The following CNTFR variants were observed in gnomAD, a reference collection of about 807,000 sequenced individuals.
The protein encoded by CNTFR is ciliary neurotrophic factor receptor subunit alpha.
In CNTFR, 12 loss-of-function variants were observed where a neutral mutation model predicts 40.4. The observed-to-expected ratio is 0.30, with a 90% confidence interval of 0.19 to 0.48. The LOEUF is 0.48. Ranked by LOEUF, CNTFR falls within the 20% of genes least tolerant of loss-of-function variation. The probability of loss-of-function intolerance (pLI) is 0.99; values close to 1 mark genes in which losing one functional copy is unlikely to be tolerated. For missense variants in CNTFR, 414 were observed against 506.8 expected, an observed-to-expected ratio of 0.82 and a Z score of 1.76; for synonymous variants, 202 against 209.6, an observed-to-expected ratio of 0.96 and a Z score of 0.31.
Position 34,589,564 on chromosome 9 carries a change from G to C in CNTFR, c.-121C>G, listed in dbSNP as rs1264336929. The C allele has an allele frequency of 3.3e-5, 5 of 151,946 alleles. No homozygotes were observed. The highest frequency in any genetic ancestry group is 1.8e-4 in the South Asian group (1 of 5,460). 9.4% of individuals were successfully genotyped at this position (151,946 alleles called of 1,614,324 possible). A position where few individuals can be genotyped will look rare whatever the true frequency, so the allele number is the denominator to read the frequency against. The stretch of plus-strand genomic sequence containing the variant: ...GCCGCAGGGTACTCACCGCGCCCTC[G>C]GGCCACCCGGGCTTCGCGCCGCGCC... On this transcript the variant is annotated 5_prime_UTR_variant, in exon 1 of 10. Transcript: ENST00000378980. This position sits in a 1 kb window ranked among gnomAD's most constrained non-coding sequence, Gnocchi z 4.4.
chr9:34,558,963 G>A (rs1480643541), intron 4 of CNTFR, among the ~76,000 whole-genome samples: 1 of 152,206 alleles, frequency 6.6e-6, no homozygotes. Context: ...CCCACCCTCA[G>A]GCATTGGGTA....
intron 1 of CNTFR, among the ~76,000 whole-genome samples, chr9:34,582,991 G>C (rs1475135469): frequency 6.6e-6 from 1 of 152,210 alleles, no homozygotes; most frequent in African/African-American, 2.4e-5. Flanking sequence ...AGCATGCAGA[G>C]TCTGTATAGC....
intron 7 of CNTFR, among the ~76,000 whole-genome samples, chr9:34,554,040 G>C (rs2183013): frequency 0.77 from 117,114 of 152,080 alleles, 45,446 homozygotes; most frequent in East Asian, 0.87. Flanking sequence ...TCCAGTTCCT[G>C]CTCAGCCTGT....
intron 1 of CNTFR, chr9:34,582,780 G>A (rs966042692): frequency 6.6e-6 from 1 of 152,312 alleles, no homozygotes; most frequent in African/African-American, 2.4e-5. Flanking sequence ...TTAGGCCAAA[G>A]AATGAGAGAG....
At position 34,552,807 on chromosome 9, in the gene CNTFR, G is replaced by T. The variant is rs771631533; in HGVS notation, c.816C>A (p.Ala272=). 1 of 1,613,568 alleles carries T rather than the reference G, an allele frequency of 6.2e-7. No homozygotes were observed. ...GTAHTITDAY[A]GKEYIIQVAA... Reference sequence around the variant, plus strand: ...CCACCTGGATAATGTACTCCTTCCCGGCGTAGGCATCTGTGATGGTGTGTG... The same window carrying T: ...CCACCTGGATAATGTACTCCTTCCCTGCGTAGGCATCTGTGATGGTGTGTG... The change falls in exon 8 of 10, where the codon GCC becomes GCA. Residue 272 remains alanine (A), a synonymous_variant. Transcript: ENST00000378980. This position sits in a 1 kb window ranked among gnomAD's most constrained non-coding sequence, Gnocchi z 5.1.
intron 2 of CNTFR, among the ~76,000 whole-genome samples, chr9:34,574,154 C>T (rs963749468): frequency 3.3e-5 from 5 of 152,058 alleles, no homozygotes; most frequent in Middle Eastern, 3.4e-3. Context: ...GGGACCAGGC[C>T]GAGGAGGGAG....
intron 7 of CNTFR, among the ~76,000 whole-genome samples, chr9:34,554,146 C>A (rs150248045): frequency 2.0e-5 from 3 of 152,122 alleles, no homozygotes; most frequent in African/African-American, 4.8e-5. Context: ...CCTGGAAGAT[C>A]GGAGGGTCCC....
intron 4 of CNTFR, among the ~76,000 whole-genome samples, chr9:34,563,557 CCAAA>C (rs909387815): frequency 1.3e-5 from 2 of 152,252 alleles, no homozygotes; most frequent in African/African-American, 4.8e-5. Context: ...CCTTCACCTG[CCAAA>C]CAAACTACTT....
chr9:34,583,354 T>C (rs565117948), intron 1 of CNTFR, among the ~76,000 whole-genome samples: 84 of 152,276 alleles, frequency 5.5e-4, no homozygotes, highest in Non-Finnish European at 1.2e-4. Flanking sequence ...GGGGCCCACA[T>C]CTGGGATGCA....
chr9:34,586,206 C>A (rs1242147786), intron 1 of CNTFR, among the ~76,000 whole-genome samples: 1 of 152,160 alleles, frequency 6.6e-6, no homozygotes, highest in African/African-American at 2.4e-5. Context: ...CATCCTAGGC[C>A]CCCCAGGGCT....
In CNTFR at chr9:34,568,832, T is replaced by C; in HGVS notation, c.85+65A>G. ...CTTGGGTAGTGTCAGGATGCAGCTA[T>C]GCCAGTGAGGGTTCATGCCCAGCTC... On this transcript the variant is annotated intron_variant, in intron 3 of 9. Coordinates refer to ENST00000378980, the MANE Select transcript of CNTFR (RefSeq NM_147164.3). 4 of 1,397,652 alleles carry C rather than the reference T, an allele frequency of 2.9e-6. No homozygotes were observed. The South Asian group carries it at 3.7e-5, about 13-fold the overall frequency. The allele number at this position is 1,397,652 out of a possible 1,614,324, so 86.6% of individuals were successfully genotyped here.
At chr9:34,574,765 C>CTG (rs146533787) in intron 2 of CNTFR, among the ~76,000 whole-genome samples, 6,246 of 152,310 alleles carry the variant, frequency 0.041, 207 homozygotes, top group South Asian at 0.064. Flanking sequence ...GGCCTGGACT[C>CTG]AGTGCTCAAA....
chr9:34,564,996 C>A (rs955080445), intron 3 of CNTFR, among the ~76,000 whole-genome samples, 164 bp from the exon 4 acceptor site: 1 of 152,178 alleles, frequency 6.6e-6, no homozygotes, highest in Non-Finnish European at 1.5e-5. Context: ...CAAAGCTCCT[C>A]TATGCCTGTG....
chr9:34,560,885 T>G (rs1049516400), intron 4 of CNTFR, among the ~76,000 whole-genome samples: 1 of 152,216 alleles, frequency 6.6e-6, no homozygotes, highest in African/African-American at 2.4e-5. Context: ...TGTTTTTCCA[T>G]GTCCAGCCCA....
At chr9:34,586,515 T>C (rs1310459541) in intron 1 of CNTFR, among the ~76,000 whole-genome samples, 1 of 152,044 alleles carries the variant, frequency 6.6e-6, no homozygotes, top group Non-Finnish European at 1.5e-5. Context: ...ATCCTAAGAA[T>C]GATTGAGATG....
Position 34,574,097 on chromosome 9 carries a change from G to A in CNTFR, c.1-5116C>T, listed in dbSNP as rs541497121. The stretch of plus-strand genomic sequence containing the variant: ...AGGCAGCCTGGACAGCGTGGGCGGT[G>A]GGGGCGGGGGCAGAGGCCTGAGCGG... On this transcript the variant is annotated intron_variant, in intron 2 of 9. Coordinates refer to ENST00000378980, the MANE Select transcript of CNTFR (RefSeq NM_147164.3). Among the ~76,000 whole-genome samples, 5 of 152,206 alleles carry A rather than the reference G, an allele frequency of 3.3e-5. No individual in the cohort carries two copies. The South Asian group carries it at 8.3e-4, about 25-fold the overall frequency.
chr9:34,577,706 GC>G (rs1218241179), intron 2 of CNTFR, among the ~76,000 whole-genome samples: 1 of 152,180 alleles, frequency 6.6e-6, no homozygotes, highest in Admixed American at 6.5e-5. Flanking sequence ...CACAGCCAGA[GC>G]CCCCTCCCCT....
chr9:34,551,757 C>T lies in CNTFR; in HGVS notation c.*314G>A. The stretch of plus-strand genomic sequence containing the variant: ...GGAGAAATCGGATGTGAGAGGCTCC[C>T]CTCACGTCCCCCAAGGGCTCCTGGG... On this transcript the variant is annotated 3_prime_UTR_variant, in exon 10 of 10. Coordinates refer to ENST00000378980, the MANE Select transcript of CNTFR (RefSeq NM_147164.3). The T allele has an allele frequency of 1.8e-6, 1 of 562,988 alleles. No individual in the cohort carries two copies. Among genetic ancestry groups the T allele is most frequent in the Non-Finnish European group, 3.2e-6 (1 of 314,334 alleles). 34.9% of individuals were successfully genotyped at this position (562,988 alleles called of 1,614,324 possible). A position where few individuals can be genotyped will look rare whatever the true frequency, so the allele number is the denominator to read the frequency against.
chr9:34,568,901 TG>T lies in CNTFR; in HGVS notation c.80del (p.Pro27HisfsTer16). The T allele has an allele frequency of 6.3e-7, 1 of 1,590,340 alleles. No homozygotes were observed. The highest frequency in any genetic ancestry group is 8.6e-7 in the Non-Finnish European group (1 of 1,168,880). On this transcript the variant is annotated frameshift_variant, in exon 3 of 10. Transcript: ENST00000378980. LOFTEE classifies it high-confidence loss of function. ...AAVVYAQRHS[P>X]QEAPHVQYER... ...GCGGCTCCCGTGAGCACTCACCCTG[TG>T]GACTGTGTCTCTGGGCGTAGACAAC...
Sources: gnomAD v4.1 joint callset for allele counts (sites outside exome capture counted in the v4.1 genomes callset) on GRCh38, gnomAD v4.1.1 for gene constraint, Gnocchi (gnomAD v3.1) non-coding constraint, MANE v1.5 for transcripts, NCBI Gene and HGNC (gene_info 2026-07-23, HGNC 2026-07-21) for gene names.